The following ITGB8 variants were observed in gnomAD, a reference collection of about 807,000 sequenced individuals.
The protein encoded by ITGB8 is integrin beta-8.
ITGB8 carries 30 observed loss-of-function variants against 89.5 expected under a neutral mutation model. The observed-to-expected ratio is 0.34, with a 90% confidence interval of 0.25 to 0.45. The LOEUF is 0.45. Among genes scored for constraint, ITGB8 ranks in the 20% least tolerant of loss-of-function variants. ITGB8 has a pLI of 1.00. For missense variants in ITGB8, 836 were observed against 933.3 expected (o/e 0.90, Z 1.36); for synonymous variants, 335 against 320.4 (o/e 1.05, Z -0.49).
At chr7:20,372,157 G>T in intron 3 of ITGB8, among the ~76,000 whole-genome samples, 1 of 151,878 alleles carries the variant, frequency 6.6e-6, no homozygotes, top group East Asian at 1.9e-4. Flanking sequence ...TAAATGTCTT[G>T]CTCTTTTTTA....
intron 1 of ITGB8, among the ~76,000 whole-genome samples, chr7:20,334,153 G>C (rs1457005623): frequency 6.6e-6 from 1 of 152,064 alleles, no homozygotes; most frequent in Non-Finnish European, 1.5e-5. Context: ...GAGCAGTGGG[G>C]GATGTTATTA....
Position 20,409,753 on chromosome 7 carries a change from A to C in ITGB8, c.2162A>C (p.Asp721Ala), listed in dbSNP as rs746026000. The C allele has an allele frequency of 6.2e-7, 1 of 1,613,212 alleles. No individual in the cohort carries two copies. The highest frequency in any genetic ancestry group is 8.5e-7 in the Non-Finnish European group (1 of 1,179,532). Residue 721 changes from aspartate to alanine, a missense_variant, in exon 13 of 14, where the codon GAT (aspartate) becomes GCT (alanine). Coordinates refer to ENST00000222573, the MANE Select transcript of ITGB8 (RefSeq NM_002214.3). ...WNSNKIKSSS[D>A]YRVSASKKDK... is the part of the protein sequence containing the mutation. ...AGTAATAAAATTAAGTCCTCATCAG[A>C]TTACAGAGTGTCAGCCTCAAAAAAG... is the stretch of plus-strand genomic sequence containing the variant.
chr7:20,395,049 CAAAG>C, intron 8 of ITGB8, 64 bp downstream of exon 8: 4 of 897,426 alleles, frequency 4.5e-6, no homozygotes, highest in Non-Finnish European at 7.1e-6. Flanking sequence ...TGACAAGGTA[CAAAG>C]TAGTGCCATG....
At chr7:20,373,440 G>T (rs965035246) in intron 3 of ITGB8, among the ~76,000 whole-genome samples, 20 of 152,102 alleles carry the variant, frequency 1.3e-4, no homozygotes, top group African/African-American at 2.7e-4. Flanking sequence ...TATATGATAA[G>T]GATTAGTTTA....
intron 3 of ITGB8, among the ~76,000 whole-genome samples, chr7:20,373,907 G>A (rs1427471616): frequency 6.6e-6 from 1 of 152,088 alleles, no homozygotes; most frequent in Non-Finnish European, 1.5e-5. Context: ...CATTCTTTGA[G>A]TAGTTTAAAA....
intron 3 of ITGB8, among the ~76,000 whole-genome samples, chr7:20,369,599 T>G (rs1697027861): frequency 6.6e-6 from 1 of 152,194 alleles, no homozygotes; most frequent in East Asian, 1.9e-4. Context: ...CATTGGAGGT[T>G]AGGGCTCCAA....
chr7:20,406,410 C>T (rs999704624), intron 12 of ITGB8, among the ~76,000 whole-genome samples: 7 of 152,004 alleles, frequency 4.6e-5, no homozygotes, highest in African/African-American at 1.2e-4. Context: ...ATTGGCCAGG[C>T]GCAGTGGCGG....
At chr7:20,381,906 T>C (rs1786414024) in intron 6 of ITGB8, 21 bp downstream of exon 6, 1 of 1,591,102 alleles carries the variant, frequency 6.3e-7, no homozygotes. Flanking sequence ...AGTAACCGCT[T>C]AGTAGATATG....
intron 3 of ITGB8, among the ~76,000 whole-genome samples, chr7:20,371,956 T>C (rs757857377): frequency 6.6e-6 from 1 of 152,232 alleles, no homozygotes; most frequent in Non-Finnish European, 1.5e-5. Context: ...GTCCATTAGC[T>C]GTTTTCTTTT....
chr7:20,350,507 T>TTA (rs1785079837), intron 1 of ITGB8, among the ~76,000 whole-genome samples: 1 of 152,198 alleles, frequency 6.6e-6, no homozygotes, highest in Non-Finnish European at 1.5e-5. Flanking sequence ...AACAGTCCCA[T>TTA]AAACTCACAG....
At chr7:20,408,119 C>A (rs1787618211) in intron 12 of ITGB8, among the ~76,000 whole-genome samples, 2 of 152,268 alleles carry the variant, frequency 1.3e-5, no homozygotes, top group South Asian at 4.1e-4. Context: ...CCACGTGCCC[C>A]CTCTGATGAT....
intron 1 of ITGB8, among the ~76,000 whole-genome samples, chr7:20,332,258 T>C (rs914319159): frequency 2.0e-5 from 3 of 152,240 alleles, no homozygotes; most frequent in Non-Finnish European, 4.4e-5. Flanking sequence ...TGGTCCATTC[T>C]TAAGGGCATC....
chr7:20,342,443 CT>C (rs1362297582), intron 1 of ITGB8, among the ~76,000 whole-genome samples: 2 of 152,180 alleles, frequency 1.3e-5, no homozygotes, highest in Non-Finnish European at 2.9e-5. Flanking sequence ...GCAAACTCAC[CT>C]TTCTAGGCCT....
chr7:20,375,700 TA>T (rs1477717399), intron 3 of ITGB8, among the ~76,000 whole-genome samples: 3 of 152,118 alleles, frequency 2.0e-5, no homozygotes, highest in African/African-American at 7.2e-5. Context: ...AATGTGAAAT[TA>T]AAAAGGGAAC....
At chr7:20,398,431 T>G (rs1289823089) in intron 8 of ITGB8, among the ~76,000 whole-genome samples, 1 of 152,232 alleles carries the variant, frequency 6.6e-6, no homozygotes, top group Non-Finnish European at 1.5e-5. Context: ...AAATATTTCT[T>G]TAGCAGCTTT....
At chr7:20,352,721 T>TA (rs1785152956) in intron 1 of ITGB8, 1 of 152,236 alleles carries the variant, frequency 6.6e-6, no homozygotes, top group South Asian at 2.1e-4. Flanking sequence ...TTGCCTTGTT[T>TA]ATTGTTTTGA....
chr7:20,371,732 C>A (rs185455724), intron 3 of ITGB8, among the ~76,000 whole-genome samples: 2 of 152,294 alleles, frequency 1.3e-5, no homozygotes, highest in East Asian at 3.9e-4. Flanking sequence ...CACATCTTCA[C>A]TGAAACTTAT....
chr7:20,404,104 C>T (rs201126506), intron 10 of ITGB8, among the ~76,000 whole-genome samples: 2 of 152,126 alleles, frequency 1.3e-5, no homozygotes, highest in East Asian at 3.8e-4. Flanking sequence ...TGCAATTGTT[C>T]AACTTCTCAA....
intron 3 of ITGB8, among the ~76,000 whole-genome samples, chr7:20,369,034 T>A (rs2127949422): frequency 6.6e-6 from 1 of 152,332 alleles, no homozygotes; most frequent in East Asian, 1.9e-4. Context: ...CTGACTCAAA[T>A]GAGTCTGAAA....
Sources: allele counts gnomAD v4.1 joint callset (sites outside exome capture counted in the v4.1 genomes callset), GRCh38; gene constraint gnomAD v4.1.1; transcripts MANE v1.5; gene names NCBI Gene and HGNC (gene_info 2026-07-23, HGNC 2026-07-21).